The following EFCAB8 variants were observed in gnomAD, a reference collection of about 807,000 sequenced individuals.
EFCAB8 encodes the protein EF-hand calcium-binding domain-containing protein 8.
EFCAB8 carries 100 observed loss-of-function variants against 116.3 expected under a neutral mutation model. The observed-to-expected ratio is 0.86, with a 90% confidence interval of 0.73 to 1.02. EFCAB8 has a LOEUF of 1.02. EFCAB8 is among the 50% of genes least tolerant of loss of function. EFCAB8 has a pLI of 0.00. For missense variants in EFCAB8, 1,320 were observed against 1,416.9 expected (o/e 0.93, Z 1.10); for synonymous variants, 558 against 567.9 (o/e 0.98, Z 0.25).
Position 32,958,482 on chromosome 20 carries a change from C to G in EFCAB8, c.3021C>G (p.Asn1007Lys). 1 of 416,902 alleles carries G rather than the reference C, an allele frequency of 2.4e-6. No homozygotes were observed. Among genetic ancestry groups the G allele is most frequent in the African/African-American group, 2.0e-5 (1 of 48,816 alleles). The allele number at this position is 416,902 out of a possible 1,614,324, so 25.8% of individuals were successfully genotyped here. A position where few individuals can be genotyped will look rare whatever the true frequency, so the allele number is the denominator to read the frequency against. The change falls in exon 24 of 27, where the codon AAC becomes AAG. Residue 1007 changes from asparagine (N) to lysine (K), a missense_variant. Transcript: ENST00000400522. ...LQDACDGPRE[N>K]RASLEEDGDS... is the part of the protein sequence containing the mutation. ...ATGCCTGTGATGGTCCTCGTGAAAA[C>G]AGAGCAAGCTTAGAGGAAGATGGTG... is the stretch of plus-strand genomic sequence containing the variant.
intron 22 of EFCAB8, among the ~76,000 whole-genome samples, chr20:32,937,116 G>A (rs1988150703): frequency 6.6e-6 from 1 of 151,460 alleles, no homozygotes; most frequent in Non-Finnish European, 1.5e-5. Context: ...ATAAAATTAA[G>A]CATTTTATTT....
chr20:32,898,265 T>C (rs1986259419), intron 10 of EFCAB8: 1 of 472,954 alleles, frequency 2.1e-6, no homozygotes. Flanking sequence ...CAAATGAAAG[T>C]AGGCTTGTGT....
At chr20:32,938,151 G>A (rs1988194750) in intron 22 of EFCAB8, among the ~76,000 whole-genome samples, 2 of 149,780 alleles carry the variant, frequency 1.3e-5, no homozygotes, top group Non-Finnish European at 3.0e-5. Flanking sequence ...TGCAAAGTTG[G>A]CTAAATATCC....
chr20:32,876,113 G>A (rs1355811154), intron 4 of EFCAB8, 69 bp downstream of exon 4: 1 of 1,358,282 alleles, frequency 7.4e-7, no homozygotes, highest in Admixed American at 2.0e-5. Context: ...TGACCAGTTG[G>A]TGGGGCTGAA....
intron 11 of EFCAB8, among the ~76,000 whole-genome samples, chr20:32,905,556 T>A (rs887475517): frequency 1.3e-5 from 2 of 151,954 alleles, no homozygotes; most frequent in East Asian, 3.9e-4. Flanking sequence ...GGTCAGGAGT[T>A]CCAGACCAGC....
At chr20:32,926,794 AATG>A (rs980197451) in intron 20 of EFCAB8, among the ~76,000 whole-genome samples, 2 of 145,846 alleles carry the variant, frequency 1.4e-5, no homozygotes, top group Non-Finnish European at 3.0e-5. Context: ...GTTTACTGAG[AATG>A]ATGATTTCCA....
chr20:32,934,189 T>C (rs952758165), intron 22 of EFCAB8, among the ~76,000 whole-genome samples: 18 of 152,274 alleles, frequency 1.2e-4, no homozygotes, highest in Admixed American at 1.2e-3. Context: ...CATATATAAA[T>C]ACAATCATGC....
intron 23 of EFCAB8, among the ~76,000 whole-genome samples, chr20:32,954,258 T>C (rs140301277): frequency 1.3e-5 from 2 of 152,342 alleles, no homozygotes; most frequent in African/African-American, 4.8e-5. Context: ...TTTTACAGTT[T>C]TGGGTATTAT....
intron 23 of EFCAB8, among the ~76,000 whole-genome samples, chr20:32,946,614 A>C (rs1326478452): frequency 6.6e-6 from 1 of 152,160 alleles, no homozygotes; most frequent in Non-Finnish European, 1.5e-5. Context: ...ATCTAGTGTT[A>C]TCTTTTAGAA....
At chr20:32,896,028 C>G (rs1208249949) in intron 9 of EFCAB8, among the ~76,000 whole-genome samples, 3 of 152,140 alleles carry the variant, frequency 2.0e-5, no homozygotes, top group Non-Finnish European at 4.4e-5. Context: ...GCTTTCTGGA[C>G]AAGGGGTGCA....
At chr20:32,897,471 C>T (rs1027870248) in intron 10 of EFCAB8, among the ~76,000 whole-genome samples, 6 of 150,806 alleles carry the variant, frequency 4.0e-5, no homozygotes, top group Non-Finnish European at 8.8e-5. Flanking sequence ...GAGTCAGGGC[C>T]TTACTCTGCT....
At position 32,860,277 on chromosome 20, in the gene EFCAB8, C is replaced by T. The variant is rs548578335; in HGVS notation, c.-11+1271C>T. On this transcript the variant is annotated intron_variant, in intron 1 of 26. Transcript: ENST00000400522. The stretch of plus-strand genomic sequence containing the variant: ...GAGCTGAGATTGAGCCACTGCATTC[C>T]AGCCTGTGACAGAGTGAGACTCTCA... 2.0e-5 allele frequency among the ~76,000 whole-genome samples: 3 copies of T among 152,012 alleles called. No individual in the cohort carries two copies. The East Asian group carries it at 5.8e-4, about 30-fold the overall frequency.
intron 6 of EFCAB8, among the ~76,000 whole-genome samples, chr20:32,887,956 G>A (rs1985716638): frequency 6.6e-6 from 1 of 152,182 alleles, no homozygotes; most frequent in South Asian, 2.1e-4. Context: ...GGCAGACAGG[G>A]GAAGTCAGTC....
rs966845507 is a variant in EFCAB8 at position 32,892,321 on chromosome 20, C to G, written c.758+24C>G. Reference sequence around the variant, plus strand: ...TGGTGAGTCTCCACTGGGTGTTCCTCACATGAACCAGGAGGCCCAGGCCTC... The same window carrying G: ...TGGTGAGTCTCCACTGGGTGTTCCTGACATGAACCAGGAGGCCCAGGCCTC... On this transcript the variant is annotated intron_variant, in intron 8 of 26. Transcript: ENST00000400522. The G allele has an allele frequency of 4.5e-6, 7 of 1,549,116 alleles. No homozygotes were observed. The African/African-American group carries it at 9.6e-5, about 21-fold the overall frequency.
intron 23 of EFCAB8, among the ~76,000 whole-genome samples, chr20:32,950,823 T>C (rs560088305): frequency 2.2e-4 from 34 of 152,312 alleles, no homozygotes; most frequent in African/African-American, 7.9e-4. Flanking sequence ...CTATTGTATT[T>C]TACTGTCTGC....
At chr20:32,923,949 C>T (rs1442401165) in intron 20 of EFCAB8, among the ~76,000 whole-genome samples, 1 of 152,192 alleles carries the variant, frequency 6.6e-6, no homozygotes, top group Non-Finnish European at 1.5e-5. Context: ...GGATTAGAAA[C>T]ATACTCCTGG....
intron 17 of EFCAB8, among the ~76,000 whole-genome samples, chr20:32,914,788 A>T (rs1410275811): frequency 1.3e-5 from 2 of 152,238 alleles, no homozygotes; most frequent in Non-Finnish European, 2.9e-5. Context: ...ATTACAATTC[A>T]AGATGAGGTT....
At chr20:32,921,056 G>A (rs1987426586) in intron 20 of EFCAB8, among the ~76,000 whole-genome samples, 1 of 152,202 alleles carries the variant, frequency 6.6e-6, no homozygotes, top group Non-Finnish European at 1.5e-5. Flanking sequence ...GAGTTAGGGT[G>A]TGGCTGGCCT....
intron 3 of EFCAB8, among the ~76,000 whole-genome samples, chr20:32,873,462 A>G (rs139017457): frequency 0.011 from 1,711 of 152,114 alleles, 18 homozygotes; most frequent in Middle Eastern, 0.017. Flanking sequence ...AGATCCCCTT[A>G]TAGACCCAGC....
Sources: gnomAD v4.1 joint callset for allele counts (sites outside exome capture counted in the v4.1 genomes callset) on GRCh38, gnomAD v4.1.1 for gene constraint, MANE v1.5 for transcripts, NCBI Gene and HGNC (gene_info 2026-07-23, HGNC 2026-07-21) for gene names.